PARP8: variants seen among roughly 807,000 people sequenced by gnomAD.
PARP8 encodes protein mono-ADP-ribosyltransferase PARP8.
Under a neutral mutation model 124.1 loss-of-function variants are expected in PARP8, and 51 were observed. The ratio of observed to expected loss-of-function variants is 0.41; its 90% confidence interval spans 0.33 to 0.52. The LOEUF is 0.52. Among genes scored for constraint, PARP8 ranks in the 20% least tolerant of loss-of-function variants. The probability of loss-of-function intolerance (pLI) is 0.21; values close to 1 mark genes in which losing one functional copy is unlikely to be tolerated. For synonymous variants in PARP8, 391 were observed against 361.5 expected (o/e 1.08, Z -0.93); for missense variants, 860 against 1,018.9 (o/e 0.84, Z 2.12).
chr5:50,704,744 T>G (rs111781909), intron 2 of PARP8, among the ~76,000 whole-genome samples: 6 of 152,354 alleles, frequency 3.9e-5, no homozygotes, highest in African/African-American at 1.4e-4. Flanking sequence ...TTATTAAAAC[T>G]GATTTCATCT....
chr5:50,831,241 C>T (rs1008883662), intron 22 of PARP8, among the ~76,000 whole-genome samples: 3 of 151,922 alleles, frequency 2.0e-5, no homozygotes, highest in Non-Finnish European at 4.4e-5. Context: ...CAACAAACAC[C>T]TTAACCTTAG....
intron 9 of PARP8, among the ~76,000 whole-genome samples, chr5:50,783,940 T>C (rs1296320202): frequency 6.6e-6 from 1 of 152,194 alleles, no homozygotes; most frequent in Non-Finnish European, 1.5e-5. Flanking sequence ...TGATAGCTAG[T>C]GGGTTCAATT....
At chr5:50,783,985 A>C (rs1740958596) in intron 9 of PARP8, among the ~76,000 whole-genome samples, 1 of 152,230 alleles carries the variant, frequency 6.6e-6, no homozygotes, top group African/African-American at 2.4e-5. Context: ...ATTTACAAAA[A>C]GTTGATATTT....
In PARP8 at chr5:50,668,053, C is replaced by T; in HGVS notation, c.92-18C>T. ...AATCCACTCCAGGGGTAGCTTTTGA[C>T]GGGACTTTCTGTTTCAGATTTCAGA... is the stretch of plus-strand genomic sequence containing the variant. On this transcript the variant is annotated intron_variant, in intron 1 of 25. Coordinates refer to ENST00000281631, the MANE Select transcript of PARP8 (RefSeq NM_024615.4). The T allele has an allele frequency of 4.3e-6, 7 of 1,612,024 alleles. No individual in the cohort carries two copies. Among genetic ancestry groups the T allele is most frequent in the Non-Finnish European group, 5.1e-6 (6 of 1,179,978 alleles).
intron 15 of PARP8, among the ~76,000 whole-genome samples, chr5:50,820,236 C>A (rs1323872149): frequency 1.3e-5 from 2 of 152,148 alleles, no homozygotes; most frequent in Non-Finnish European, 2.9e-5. Context: ...GCAGGACAAT[C>A]AAAAATTGGC....
chr5:50,739,549 C>CAATTT, intron 2 of PARP8, among the ~76,000 whole-genome samples: 1 of 151,602 alleles, frequency 6.6e-6, no homozygotes, highest in East Asian at 1.9e-4. Context: ...AGGAGTTAGC[C>CAATTT]AATTTAATTT....
intron 2 of PARP8, among the ~76,000 whole-genome samples, chr5:50,737,611 G>A (rs1041531222): frequency 6.6e-6 from 1 of 152,144 alleles, no homozygotes; most frequent in Non-Finnish European, 1.5e-5. Flanking sequence ...AGCCACAATT[G>A]AATGTCCCTC....
rs34772044 is a variant in PARP8 at position 50,703,299 on chromosome 5, C to CAA, written c.146+35189_146+35190dup. ...TGGGTGACGGAGTGAGACCGTGTCTCAAAAAAAAAAAAAAAAGTCTTGTAA... is the reference window on the plus strand; with the variant it reads ...TGGGTGACGGAGTGAGACCGTGTCTCAAAAAAAAAAAAAAAAAAGTCTTGTAA... On this transcript the variant is annotated intron_variant, in intron 2 of 25. Coordinates refer to ENST00000281631, the MANE Select transcript of PARP8 (RefSeq NM_024615.4). 3.2e-4 allele frequency among the ~76,000 whole-genome samples: 38 copies of CAA among 117,518 alleles called. 1 individual carries two copies. Among genetic ancestry groups the CAA allele is most frequent in the African/African-American group, 8.0e-4 (26 of 32,368 alleles). The allele number at this position is 117,518 out of a possible 152,430, so 77.1% of individuals were successfully genotyped here.
At chr5:50,741,344 AAGAG>A (rs1166866144) in intron 2 of PARP8, among the ~76,000 whole-genome samples, 1 of 152,218 alleles carries the variant, frequency 6.6e-6, no homozygotes, top group Non-Finnish European at 1.5e-5. Flanking sequence ...AGTAAAGAAA[AAGAG>A]AGAAGCACAG....
At chr5:50,803,536 C>T (rs1374588976) in intron 14 of PARP8, among the ~76,000 whole-genome samples, 1 of 152,008 alleles carries the variant, frequency 6.6e-6, no homozygotes, top group Non-Finnish European at 1.5e-5. Flanking sequence ...TATTCTTCCT[C>T]TTCCTTAGAT....
intron 24 of PARP8, 160 bp from the exon 25 acceptor site, chr5:50,834,771 C>T (rs1468446082): frequency 1.5e-6 from 1 of 671,950 alleles, no homozygotes; most frequent in Non-Finnish European, 2.7e-6. Context: ...CTGTTTTTAT[C>T]TATATTTCTT....
intron 2 of PARP8, among the ~76,000 whole-genome samples, chr5:50,685,484 A>G (rs906014900): frequency 2.0e-5 from 3 of 152,190 alleles, no homozygotes; most frequent in African/African-American, 7.2e-5. Context: ...TCAGAAGCTG[A>G]TATTTTAGGT....
At chr5:50,686,559 G>A (rs1656128428) in intron 2 of PARP8, among the ~76,000 whole-genome samples, 1 of 152,232 alleles carries the variant, frequency 6.6e-6, no homozygotes, top group African/African-American at 2.4e-5. Flanking sequence ...AGGACTCTGT[G>A]TGGGGGCTCT....
chr5:50,738,010 A>G (rs1178166980), intron 2 of PARP8, among the ~76,000 whole-genome samples: 2 of 152,214 alleles, frequency 1.3e-5, no homozygotes, highest in Non-Finnish European at 2.9e-5. Context: ...TGAATAGTGA[A>G]TGGCTAACTG....
intron 8 of PARP8, 114 bp from the exon 9 acceptor site, chr5:50,778,445 TA>T: frequency 1.3e-6 from 1 of 799,608 alleles, no homozygotes; most frequent in South Asian, 1.8e-5. Context: ...AGATAACTTA[TA>T]GGCCTTCATG....
Position 50,761,850 on chromosome 5 carries a change from A to G in PARP8, c.375A>G (p.Glu125=). 2 of 1,603,740 alleles carry G rather than the reference A, an allele frequency of 1.2e-6. No individual in the cohort carries two copies. Among genetic ancestry groups the G allele is most frequent in the Non-Finnish European group, 1.7e-6 (2 of 1,173,104 alleles). ...CAAGACAGAATAGTACAGTGGAGGA[A>G]GATTCTGAAGGTGACAATGATTCCG... ...EESRQNSTVE[E]DSEGDNDSEE... is the part of the protein sequence containing the mutation. Residue 125 remains glutamate (E), a synonymous_variant, in exon 6 of 26, where the codon GAA becomes GAG. Transcript: ENST00000281631.
At chr5:50,692,244 A>G (rs1413921322) in intron 2 of PARP8, among the ~76,000 whole-genome samples, 1 of 152,148 alleles carries the variant, frequency 6.6e-6, no homozygotes, top group Non-Finnish European at 1.5e-5. Context: ...GTGATCTGGC[A>G]TCTCTTGACC....
chr5:50,816,743 G>A (rs1745147834), intron 15 of PARP8, among the ~76,000 whole-genome samples: 1 of 152,046 alleles, frequency 6.6e-6, no homozygotes, highest in Non-Finnish European at 1.5e-5. Context: ...GCATATTAAC[G>A]GTTCTGAGCA....
intron 7 of PARP8, among the ~76,000 whole-genome samples, chr5:50,777,408 TA>T (rs1740154666): frequency 6.6e-6 from 1 of 152,208 alleles, no homozygotes. Flanking sequence ...ACAGATGTGT[TA>T]TATATGGAGA....
Sources: allele counts gnomAD v4.1 joint callset (sites outside exome capture counted in the v4.1 genomes callset), GRCh38; gene constraint gnomAD v4.1.1; transcripts MANE v1.5; gene names NCBI Gene and HGNC (gene_info 2026-07-23, HGNC 2026-07-21).